KIF26A: variants seen among roughly 807,000 people sequenced by gnomAD.
KIF26A encodes kinesin family member 26A.
In KIF26A, 74 loss-of-function variants were observed where a neutral mutation model predicts 126.0. The observed-to-expected ratio is 0.59, with a 90% CI of 0.49 to 0.71. The LOEUF (loss-of-function observed/expected upper bound fraction) is 0.71. Among genes scored for constraint, KIF26A ranks in the 30% least tolerant of loss-of-function variants. The pLI is 0.00. For missense variants in KIF26A, 2,984 were observed against 2,763.3 expected (o/e 1.08, Z -1.79); for synonymous variants, 1,445 against 1,232.7 (o/e 1.17, Z -3.61).
rs757159707 is a variant in KIF26A, at chr14:104,173,731, C to A, written c.1893C>A (p.His631Gln). The stretch of plus-strand genomic sequence containing the variant: ...TGTCCGGAGGCCGCAGCCGCCTGCA[C>A]CTCATCGACCTGGGCAGCTGTGAGG... ...GGMSGGRSRLHLIDLGSCEAA... is the reference protein window; with the variant it reads ...GGMSGGRSRLQLIDLGSCEAA... Residue 631 changes from histidine to glutamine, a missense_variant, in exon 10 of 15, where the codon CAC becomes CAA. Coordinates refer to ENST00000423312, the MANE Select transcript of KIF26A (RefSeq NM_015656.2). The A allele has an allele frequency of 1.2e-6, 2 of 1,611,342 alleles. No individual in the cohort carries two copies. Among genetic ancestry groups the A allele is most frequent in the South Asian group, 2.2e-5 (2 of 90,984 alleles).
chr14:104,151,534 C>T lies in KIF26A; in HGVS notation c.289-481C>T, dbSNP rs2037729277. On this transcript the variant is annotated intron_variant, in intron 2 of 14. Transcript: ENST00000423312. The surrounding 1 kb of genome is among the most constrained non-coding windows in gnomAD (Gnocchi z 4.9). ...TTACAGCAGCACTGATTTGATTTTC[C>T]ACCTGCCCCACCGGGGCTGGAGACC... Among the ~76,000 whole-genome samples the T allele has an allele frequency of 6.6e-6, 1 of 152,224 alleles. No individual in the cohort carries two copies. Among genetic ancestry groups the T allele is most frequent in the Non-Finnish European group, 1.5e-5 (1 of 68,042 alleles).
At position 104,156,764 on chromosome 14, in the gene KIF26A, A is replaced by T. The variant is rs181085202; in HGVS notation, c.736-991A>T. ...CCGTGCCTGGCCTCTGGCCTGTGCC[A>T]CTTGGGACACCCTGAGGACGCTGGG... On this transcript the variant is annotated intron_variant, in intron 3 of 14. Coordinates refer to ENST00000423312, the MANE Select transcript of KIF26A (RefSeq NM_015656.2). Among the ~76,000 whole-genome samples, 133 of 152,270 alleles carry T rather than the reference A, an allele frequency of 8.7e-4. 1 individual carries two copies. Among genetic ancestry groups the T allele is most frequent in the Non-Finnish European group, 1.2e-4 (8 of 68,008 alleles).
At chr14:104,165,482 TGTTTCCATGTGC>T in intron 4 of KIF26A, among the ~76,000 whole-genome samples, 2 of 150,364 alleles carry the variant, frequency 1.3e-5, no homozygotes, top group Non-Finnish European at 3.0e-5. Flanking sequence ...CCTCTGTGTA[TGTTTCCATGTGC>T]ATGTGTGTCT....
intron 2 of KIF26A, among the ~76,000 whole-genome samples, chr14:104,140,184 C>G (rs966540687): frequency 1.3e-5 from 2 of 152,118 alleles, no homozygotes; most frequent in African/African-American, 4.8e-5. Context: ...TGGGGCAGGG[C>G]AGGGTGGGGC....
chr14:104,145,028 C>T (rs1047361635), intron 2 of KIF26A, among the ~76,000 whole-genome samples: 1 of 152,198 alleles, frequency 6.6e-6, no homozygotes, highest in Non-Finnish European at 1.5e-5. Flanking sequence ...CCTCGTCAGC[C>T]TCTGAGCTCT....
intron 4 of KIF26A, among the ~76,000 whole-genome samples, chr14:104,159,131 C>T (rs997140260): frequency 5.3e-5 from 8 of 152,212 alleles, no homozygotes; most frequent in Admixed American, 4.6e-4. Context: ...ACAGCCAGAC[C>T]GCGCACGTGA....
Position 104,179,401 on chromosome 14 carries a change from C to G in KIF26A, c.5467+15C>G. ...GCTGGAGCAGTGTGAGTCCCGCCCG[C>G]CCACGGACCCAGCCCGGCCCACCGT... On this transcript the variant is annotated intron_variant, in intron 14 of 14. Coordinates refer to ENST00000423312, the MANE Select transcript of KIF26A (RefSeq NM_015656.2). The G allele has an allele frequency of 6.7e-7, 1 of 1,488,094 alleles. No individual in the cohort carries two copies. Among genetic ancestry groups the G allele is most frequent in the Non-Finnish European group, 8.9e-7 (1 of 1,122,696 alleles). The allele number at this position is 1,488,094 out of a possible 1,614,324, so 92.2% of individuals were successfully genotyped here.
rs1335128526 is a variant in KIF26A at position 104,152,468 on chromosome 14, G to A, written c.735+7G>A. 1 of 1,548,642 alleles carries A rather than the reference G, an allele frequency of 6.5e-7. No individual in the cohort carries two copies. The highest frequency in any genetic ancestry group is 8.7e-7 in the Non-Finnish European group (1 of 1,149,522). ...CCTCCCGCCGGCGTGCCTGGTGAGT[G>A]TCTTGCTCAGCGGATGGGAGCTGCT... On this transcript the variant is annotated splice_region_variant and intron_variant, in intron 3 of 14. Transcript: ENST00000423312. This position sits in a 1 kb window ranked among gnomAD's most constrained non-coding sequence, Gnocchi z 5.9.
In KIF26A at chr14:104,157,909, C is replaced by T. The variant is rs2037796974; in HGVS notation, c.890C>T (p.Thr297Ile). 1.3e-6 allele frequency: 2 copies of T among 1,543,302 alleles called. No individual in the cohort carries two copies. The highest frequency in any genetic ancestry group is 1.4e-5 in the African/African-American group (1 of 71,908). ...TPTPGSVGGSTGPSAAASFFI... is the reference protein window; with the variant it reads ...TPTPGSVGGSIGPSAAASFFI... ...ACCCCGGGCTCGGTGGGGGGCTCCACAGGCCCCTCAGCTGCAGCCTCCTTC... is the reference window on the plus strand; with the variant it reads ...ACCCCGGGCTCGGTGGGGGGCTCCATAGGCCCCTCAGCTGCAGCCTCCTTC... Residue 297 changes from threonine (T) to isoleucine (I), a missense_variant, in exon 4 of 15, where the codon ACA (threonine) becomes ATA (isoleucine). Thr to Ile is a moderately conservative substitution (Grantham distance 89). Coordinates refer to ENST00000423312, the MANE Select transcript of KIF26A (RefSeq NM_015656.2).
In KIF26A at chr14:104,179,708, C is replaced by T. The variant is rs762327498; in HGVS notation, c.5567C>T (p.Ala1856Val). 38 of 1,550,858 alleles carry T rather than the reference C, an allele frequency of 2.5e-5. No homozygotes were observed. Among genetic ancestry groups the T allele is most frequent in the Non-Finnish European group, 3.0e-5 (34 of 1,147,514 alleles). The stretch of plus-strand genomic sequence containing the variant: ...GAGCAGTGCGTGAACCTGTGCAAGG[C>T]GCACGTCATGATGGTCACCTGCTTC... ...ALEQCVNLCK[A>V]HVMMVTCFDI... Residue 1856 changes from alanine (A) to valine (V), a missense_variant, in exon 15 of 15, where the codon GCG (alanine) becomes GTG (valine). Ala to Val is a moderately conservative substitution (Grantham distance 64). Transcript: ENST00000423312.
chr14:104,142,785 C>G (rs369913767), intron 2 of KIF26A, among the ~76,000 whole-genome samples: 1 of 152,374 alleles, frequency 6.6e-6, no homozygotes, highest in South Asian at 2.1e-4. Context: ...AGCAGGAGCT[C>G]TGCCAGGTCA....
chr14:104,171,123 G>A (rs1179558450), intron 5 of KIF26A, among the ~76,000 whole-genome samples: 1 of 152,210 alleles, frequency 6.6e-6, no homozygotes, highest in Non-Finnish European at 1.5e-5. Flanking sequence ...GCCCGTCCCC[G>A]TTTGCATTCG....
chr14:104,158,665 C>A (rs1392471049), intron 4 of KIF26A, among the ~76,000 whole-genome samples: 1 of 152,216 alleles, frequency 6.6e-6, no homozygotes, highest in Non-Finnish European at 1.5e-5. Flanking sequence ...AGGCCTGAGG[C>A]CCTGCAGGCA....
Position 104,170,673 on chromosome 14 carries a change from G to T in KIF26A, c.1114-1050G>T, listed in dbSNP as rs142728267. Among the ~76,000 whole-genome samples the T allele has an allele frequency of 5.3e-5, 8 of 152,376 alleles. No homozygotes were observed. The East Asian group carries it at 1.3e-3, about 26-fold the overall frequency. ...CTGCGTTGGAGCCCTGGTTCAGGGT[G>T]GCCCTCGTGTGCGCAGCCTCTGCCG... On this transcript the variant is annotated intron_variant, in intron 5 of 14. Coordinates refer to ENST00000423312, the MANE Select transcript of KIF26A (RefSeq NM_015656.2).
In KIF26A at chr14:104,157,895, G is replaced by A. The variant is rs76913416; in HGVS notation, c.876G>A (p.Ser292=). 1.3e-3 allele frequency: 2,024 copies of A among 1,567,228 alleles called. 29 individuals are homozygous for A. The African/African-American group carries it at 0.024, about 18-fold the overall frequency. The change falls in exon 4 of 15, where the codon TCG becomes TCA. Residue 292 remains serine, a synonymous_variant. Coordinates refer to ENST00000423312, the MANE Select transcript of KIF26A (RefSeq NM_015656.2). ...TSALVTPTPG[S]VGGSTGPSAA... ...CCCTGGTCACCCCCACCCCGGGCTC[G>A]GTGGGGGGCTCCACAGGCCCCTCAG...
chr14:104,176,337 G>T lies in KIF26A; in HGVS notation c.3549G>T (p.Val1183=). The T allele has an allele frequency of 1.3e-6, 2 of 1,584,266 alleles. No individual in the cohort carries two copies. Among genetic ancestry groups the T allele is most frequent in the Non-Finnish European group, 1.7e-6 (2 of 1,162,064 alleles). ...WGPCPGEVAA[V]APSRPGREPQ... is the part of the protein sequence containing the mutation. ...CGTGCCCTGGGGAAGTGGCTGCAGT[G>T]GCCCCATCCCGACCCGGCAGGGAGC... Residue 1183 remains valine (V), a synonymous_variant, in exon 12 of 15, where the codon GTG becomes GTT. Coordinates refer to ENST00000423312, the MANE Select transcript of KIF26A (RefSeq NM_015656.2).
chr14:104,176,666 C>T lies in KIF26A; in HGVS notation c.3878C>T (p.Ala1293Val), dbSNP rs200989202. The T allele has an allele frequency of 1.0e-4, 161 of 1,598,278 alleles. No homozygotes were observed. Among genetic ancestry groups the T allele is most frequent in the South Asian group, 1.8e-4 (16 of 89,942 alleles). Reference sequence around the variant, plus strand: ...GACGGGTGTGAGGTGGCAGCCAGGGCGGCCCGCAGGCCAGAGGCTGTGGCT... The same window carrying T: ...GACGGGTGTGAGGTGGCAGCCAGGGTGGCCCGCAGGCCAGAGGCTGTGGCT... The part of the protein sequence containing the change: ...VVDGCEVAAR[A>V]ARRPEAVARI... The change falls in exon 12 of 15, where the codon GCG becomes GTG. Residue 1293 changes from alanine (A) to valine (V), a missense_variant. Physicochemically the swap from Ala to Val is moderately conservative, Grantham distance 64 (BLOSUM62 0). Coordinates refer to ENST00000423312, the MANE Select transcript of KIF26A (RefSeq NM_015656.2).
chr14:104,174,692 GTGTGAGTCC>G (rs1285755731), intron 11 of KIF26A, among the ~76,000 whole-genome samples: 1 of 152,166 alleles, frequency 6.6e-6, no homozygotes, highest in African/African-American at 2.4e-5. Flanking sequence ...ACGGCCCTTG[GTGTGAGTCC>G]TGGCCACTGG....
rs1297992716 is a variant in KIF26A at position 104,151,393 on chromosome 14, C to T, written c.289-622C>T. The stretch of plus-strand genomic sequence containing the variant: ...TGGGTGGGGGAGCTGGTGGAGTGTG[C>T]GGCGGGGGGTGGGGCCCTGGGCTGT... On this transcript the variant is annotated intron_variant, in intron 2 of 14. Transcript: ENST00000423312. The surrounding 1 kb of genome is among the most constrained non-coding windows in gnomAD (Gnocchi z 4.9). 1.4e-5 allele frequency among the ~76,000 whole-genome samples: 2 copies of T among 147,362 alleles called. No individual in the cohort carries two copies. Among genetic ancestry groups the T allele is most frequent in the Non-Finnish European group, 3.0e-5 (2 of 66,950 alleles).
Sources: gnomAD v4.1 joint callset for allele counts (sites outside exome capture counted in the v4.1 genomes callset) on GRCh38, gnomAD v4.1.1 for gene constraint, Gnocchi (gnomAD v3.1) non-coding constraint, MANE v1.5 for transcripts, NCBI Gene and HGNC (gene_info 2026-07-23, HGNC 2026-07-21) for gene names.